USP6NL: variants seen among roughly 807,000 people sequenced by gnomAD.
USP6NL encodes the protein USP6 N-terminal like, also known as USP6 N-terminal-like protein.
USP6NL carries 26 observed loss-of-function variants against 61.9 expected under a neutral mutation model. That is an observed-to-expected ratio of 0.42 (90% CI 0.31 to 0.58). The LOEUF is 0.58. Among genes scored for constraint, USP6NL ranks in the 20% least tolerant of loss-of-function variants. The pLI is 0.16. For missense variants in USP6NL, 1,114 were observed against 1,034.3 expected, an observed-to-expected ratio of 1.08 and a Z score of -1.06; for synonymous variants, 432 against 390.1, an observed-to-expected ratio of 1.11 and a Z score of -1.27.
chr10:11,570,630 A>C (rs567359647), intron 2 of USP6NL, among the ~76,000 whole-genome samples: 19 of 152,380 alleles, frequency 1.2e-4, no homozygotes, highest in Non-Finnish European at 2.5e-4. Context: ...ACTGTTTTTC[A>C]AAAGTTTTAA....
At chr10:11,502,212 T>C (rs1235975459) in intron 6 of USP6NL, among the ~76,000 whole-genome samples, 4 of 151,334 alleles carry the variant, frequency 2.6e-5, no homozygotes, top group South Asian at 2.1e-4. Context: ...TGAGCCGAGA[T>C]TGCGCCACTG....
rs763649210 is a variant in USP6NL at position 11,491,132 on chromosome 10, C to T, written c.495-252G>A. ...ACTTCAAAATTCCTAAAATTTGTTG[C>T]CTTCTTTTGCTGATCTATCTCACTT... On this transcript the variant is annotated intron_variant, in intron 8 of 14. Coordinates refer to ENST00000609104, the MANE Select transcript of USP6NL (RefSeq NM_014688.5). This position sits in a 1 kb window ranked among gnomAD's most constrained non-coding sequence, Gnocchi z 4.7. 1.2e-4 allele frequency among the ~76,000 whole-genome samples: 19 copies of T among 152,278 alleles called. No homozygotes were observed. Among genetic ancestry groups the T allele is most frequent in the African/African-American group, 2.6e-4 (11 of 41,558 alleles).
chr10:11,555,014 C>A (rs1235668603), intron 2 of USP6NL, among the ~76,000 whole-genome samples: 1 of 144,902 alleles, frequency 6.9e-6, no homozygotes, highest in Non-Finnish European at 1.5e-5. Context: ...CCATGTTAGC[C>A]AGGATGGTCT....
rs533003389 is a variant in USP6NL at position 11,462,520 on chromosome 10, G to A, written c.2408C>T (p.Pro803Leu). 2 of 1,613,994 alleles carry A rather than the reference G, an allele frequency of 1.2e-6. No homozygotes were observed. The highest frequency in any genetic ancestry group is 4.5e-5 in the East Asian group (2 of 44,876). Residue 803 changes from proline (P) to leucine (L), a missense_variant, in exon 15 of 15, where the codon CCA becomes CTA. Coordinates refer to ENST00000609104, the MANE Select transcript of USP6NL (RefSeq NM_014688.5). ...AAEDASPSGY[P>L]YSGPPPPAYH... ...GGCTGGAGGCGGGGGCCCTGAATAT[G>A]GATATCCAGATGGACTGGCATCTTC...
At chr10:11,568,279 CTAAT>C (rs1378928842) in intron 2 of USP6NL, among the ~76,000 whole-genome samples, 1 of 152,014 alleles carries the variant, frequency 6.6e-6, no homozygotes, top group South Asian at 2.1e-4. Context: ...CTTCAAGAAA[CTAAT>C]TAGAATATGA....
At chr10:11,555,429 A>ATATATATATATATATATAT (rs1181226855) in intron 2 of USP6NL, among the ~76,000 whole-genome samples, 1 of 83,082 alleles carries the variant, frequency 1.2e-5, no homozygotes, top group African/African-American at 5.5e-5. Flanking sequence ...AAAAAAAAAA[A>ATATATATATATATATATAT]AAAAATATAT....
rs1347352226 is a variant in USP6NL at position 11,510,368 on chromosome 10, A to G, written c.196-693T>C. Among the ~76,000 whole-genome samples, 1 of 152,110 alleles carries G rather than the reference A, an allele frequency of 6.6e-6. No individual in the cohort carries two copies. The highest frequency in any genetic ancestry group is 6.5e-5 in the Admixed American group (1 of 15,278). On this transcript the variant is annotated intron_variant, in intron 5 of 14. Transcript: ENST00000609104. The surrounding 1 kb of genome is among the most constrained non-coding windows in gnomAD (Gnocchi z 4.8). ...GATTATTAGGGTTTGTTTTTTTTTA[A>G]TCAAATGCAATGTGGGAAAGAATGT...
rs184163351 is a variant in USP6NL, at chr10:11,465,369, G to C, written c.1079-1520C>G. 4.3e-4 allele frequency among the ~76,000 whole-genome samples: 66 copies of C among 152,278 alleles called. 1 individual carries two copies. Among genetic ancestry groups the C allele is most frequent in the Non-Finnish European group, 8.5e-4 (58 of 68,028 alleles). On this transcript the variant is annotated intron_variant, in intron 14 of 14. Transcript: ENST00000609104. The surrounding 1 kb of genome is among the most constrained non-coding windows in gnomAD (Gnocchi z 4.5). ...GGAAAACTGTGACGCCCAGAGTGGTGAATGCATGCCTGAAGATGCACTGTC... is the reference window on the plus strand; with the variant it reads ...GGAAAACTGTGACGCCCAGAGTGGTCAATGCATGCCTGAAGATGCACTGTC...
chr10:11,517,723 A>T (rs1835017154), intron 5 of USP6NL, among the ~76,000 whole-genome samples: 1 of 152,214 alleles, frequency 6.6e-6, no homozygotes, highest in African/African-American at 2.4e-5. Context: ...TGATTTTCAG[A>T]AAAGTTTGAT....
At chr10:11,566,602 C>T (rs1837167895) in intron 2 of USP6NL, among the ~76,000 whole-genome samples, 1 of 152,250 alleles carries the variant, frequency 6.6e-6, no homozygotes, top group South Asian at 2.1e-4. Context: ...CTCGGGCAAT[C>T]TGGCTATACA....
chr10:11,511,767 T>G lies in USP6NL; in HGVS notation c.196-2092A>C, dbSNP rs1399229325. Reference sequence around the variant, plus strand: ...CACACACATACACATACAAAAAAAATTAAGGATCATTAAGTATGCTTTTCC... The same window carrying G: ...CACACACATACACATACAAAAAAAAGTAAGGATCATTAAGTATGCTTTTCC... On this transcript the variant is annotated intron_variant, in intron 5 of 14. Coordinates refer to ENST00000609104, the MANE Select transcript of USP6NL (RefSeq NM_014688.5). This position sits in a 1 kb window ranked among gnomAD's most constrained non-coding sequence, Gnocchi z 4.9. Among the ~76,000 whole-genome samples, 1 of 151,342 alleles carries G rather than the reference T, an allele frequency of 6.6e-6. No individual in the cohort carries two copies. The highest frequency in any genetic ancestry group is 2.4e-5 in the African/African-American group (1 of 41,184).
At position 11,589,076 on chromosome 10, in the gene USP6NL, C is replaced by CTTTCCTTA. The variant is rs1239899723; in HGVS notation, c.4+8547_4+8554dup. Among the ~76,000 whole-genome samples, 3 of 152,162 alleles carry CTTTCCTTA rather than the reference C, an allele frequency of 2.0e-5. No homozygotes were observed. Among genetic ancestry groups the CTTTCCTTA allele is most frequent in the African/African-American group, 7.2e-5 (3 of 41,428 alleles). ...TAAGATAATGGCAATGGAGAAGCGC[C>CTTTCCTTA]TTTCCTTATCCAGAAGAGAGACTCT... On this transcript the variant is annotated intron_variant, in intron 2 of 14. Coordinates refer to ENST00000609104, the MANE Select transcript of USP6NL (RefSeq NM_014688.5). This position sits in a 1 kb window ranked among gnomAD's most constrained non-coding sequence, Gnocchi z 4.7.
At chr10:11,515,756 G>C (rs770522508) in intron 5 of USP6NL, among the ~76,000 whole-genome samples, 1 of 152,188 alleles carries the variant, frequency 6.6e-6, no homozygotes, top group Non-Finnish European at 1.5e-5. Flanking sequence ...GGACTCATGA[G>C]TGAGGACAAA....
intron 2 of USP6NL, among the ~76,000 whole-genome samples, chr10:11,554,535 G>C (rs1168827136): frequency 6.6e-6 from 1 of 152,202 alleles, no homozygotes; most frequent in Non-Finnish European, 1.5e-5. Flanking sequence ...GCCCCTGAAT[G>C]ACTATGCCCT....
chr10:11,462,477 C>G lies in USP6NL; in HGVS notation c.2451G>C (p.Arg817=), dbSNP rs552093865. ...PPPPAYHYRN[R]DGLSIQESVL... ...CTGACTCTTGGATGGAAAGCCCGTC[C>G]CGATTCCTGTAGTGGTAGGCTGGAG... The change falls in exon 15 of 15, where the codon CGG becomes CGC. Residue 817 remains arginine (R), a synonymous_variant. Transcript: ENST00000609104. 9.4e-5 allele frequency: 151 copies of G among 1,613,942 alleles called. 1 individual carries two copies. The South Asian group carries it at 1.6e-3, about 17-fold the overall frequency.
rs938633110 is a variant in USP6NL at position 11,592,455 on chromosome 10, C to A, written c.4+5176G>T. On this transcript the variant is annotated intron_variant, in intron 2 of 14. Transcript: ENST00000609104. This position sits in a 1 kb window ranked among gnomAD's most constrained non-coding sequence, Gnocchi z 4.7. The stretch of plus-strand genomic sequence containing the variant: ...CATACATTTCCAAATTCCTCTCCTC[C>A]ATTAAGAATCACTGATTATATATTC... Among the ~76,000 whole-genome samples, 4 of 152,124 alleles carry A rather than the reference C, an allele frequency of 2.6e-5. No individual in the cohort carries two copies. The highest frequency in any genetic ancestry group is 6.6e-5 in the Admixed American group (1 of 15,262).
chr10:11,560,618 A>G (rs887265124), intron 2 of USP6NL, among the ~76,000 whole-genome samples: 3 of 151,120 alleles, frequency 2.0e-5, no homozygotes, highest in African/African-American at 7.3e-5. Flanking sequence ...AGGTTTGGCA[A>G]TACTTCACTG....
intron 14 of USP6NL, among the ~76,000 whole-genome samples, chr10:11,469,195 GTTCT>G (rs1322064597): frequency 2.0e-5 from 3 of 152,192 alleles, no homozygotes; most frequent in Non-Finnish European, 1.5e-5. Flanking sequence ...GCATCTTAAA[GTTCT>G]TTCATGGCAG....
At chr10:11,559,680 A>G (rs995593815) in intron 2 of USP6NL, among the ~76,000 whole-genome samples, 9 of 152,134 alleles carry the variant, frequency 5.9e-5, no homozygotes, top group Admixed American at 5.9e-4. Flanking sequence ...AGTACAACCT[A>G]AGCCTGGATC....
Sources: allele counts gnomAD v4.1 joint callset (sites outside exome capture counted in the v4.1 genomes callset), GRCh38; gene constraint gnomAD v4.1.1; non-coding constraint Gnocchi (gnomAD v3.1); transcripts MANE v1.5; gene names NCBI Gene and HGNC (gene_info 2026-07-23, HGNC 2026-07-21).